The following TDRD12 variants were observed in gnomAD, a reference collection of about 807,000 sequenced individuals.
The protein encoded by TDRD12 is tudor domain containing 12, also known as putative ATP-dependent RNA helicase TDRD12.
Under a neutral mutation model 133.5 loss-of-function variants are expected in TDRD12, and 158 were observed. The observed-to-expected ratio is 1.18, with a 90% CI of 1.04 to 1.35. The LOEUF (loss-of-function observed/expected upper bound fraction) is 1.35, where lower values mean the gene tolerates loss of function less well. TDRD12 is among the 40% of genes most tolerant of loss of function. The pLI is 0.00. For synonymous variants in TDRD12, 460 were observed against 477.9 expected (o/e 0.96, Z 0.49); for missense variants, 1,443 against 1,321.3 (o/e 1.09, Z -1.43).
intron 17 of TDRD12, 113 bp downstream of exon 17, chr19:32,800,471 A>G: frequency 9.9e-7 from 1 of 1,012,140 alleles, no homozygotes; most frequent in African/African-American, 1.6e-5. Context: ...TTAAACAATT[A>G]CAGCTTTGAT....
At chr19:32,798,023 CT>C (rs767871426) in intron 15 of TDRD12, 132 bp downstream of exon 15, 124 of 593,644 alleles carry the variant, frequency 2.1e-4, no homozygotes, top group Middle Eastern at 1.3e-3. Context: ...CTCACAGTCA[CT>C]AGTCCAGACC....
At chr19:32,819,124 C>T (rs1178286003) in intron 27 of TDRD12, among the ~76,000 whole-genome samples, 1 of 152,012 alleles carries the variant, frequency 6.6e-6, no homozygotes, top group Non-Finnish European at 1.5e-5. Context: ...CGAGACCAGC[C>T]TGGGCAACAT....
At chr19:32,755,260 T>C (rs1044759524) in intron 6 of TDRD12, among the ~76,000 whole-genome samples, 1 of 152,230 alleles carries the variant, frequency 6.6e-6, no homozygotes, top group Non-Finnish European at 1.5e-5. Context: ...TCTCGAGCAT[T>C]ACCTAGGAGT....
At chr19:32,795,268 G>C (rs1318172711) in intron 14 of TDRD12, among the ~76,000 whole-genome samples, 2 of 150,320 alleles carry the variant, frequency 1.3e-5, no homozygotes, top group African/African-American at 4.9e-5. Flanking sequence ...GGGAGGCGAA[G>C]GTTGCAGTGA....
At chr19:32,749,665 A>G in intron 5 of TDRD12, 119 bp from the exon 6 acceptor site, 1 of 705,906 alleles carries the variant, frequency 1.4e-6, no homozygotes, top group South Asian at 2.0e-5. Flanking sequence ...GTCCTGCCCG[A>G]GGAAGACATT....
At chr19:32,790,645 C>A (rs1404475301) in intron 12 of TDRD12, 54 bp downstream of exon 12, 2 of 1,551,430 alleles carry the variant, frequency 1.3e-6, no homozygotes, top group African/African-American at 2.7e-5. Flanking sequence ...ACTGTTTATT[C>A]TTTAAATCCT....
rs535861378 is a variant in TDRD12 at position 32,816,237 on chromosome 19, C to T, written c.3314+617C>T. Among the ~76,000 whole-genome samples, 4 of 152,260 alleles carry T rather than the reference C, an allele frequency of 2.6e-5. No individual in the cohort carries two copies. The East Asian group carries it at 7.7e-4, about 29-fold the overall frequency. On this transcript the variant is annotated intron_variant, in intron 26 of 27. Transcript: ENST00000444215. ...CACACAGAAAAGTGCGCACATCAGA[C>T]GTGATGTGTTTCCTGAACATACCTG...
chr19:32,740,038 ACTCTCTGCATCTCCTGGTGCT>A (rs1969367947), intron 3 of TDRD12, among the ~76,000 whole-genome samples: 3 of 37,948 alleles, frequency 7.9e-5, no homozygotes, highest in African/African-American at 3.4e-4. Flanking sequence ...TCTCCTGGGC[ACTCTCTGCATCTCCTGGTGCT>A]CTCTCTGCAT....
At chr19:32,775,356 T>A (rs1043322317) in intron 10 of TDRD12, among the ~76,000 whole-genome samples, 5 of 152,196 alleles carry the variant, frequency 3.3e-5, no homozygotes, top group Non-Finnish European at 7.3e-5. Flanking sequence ...TGCGACAGGA[T>A]CTTGCTCTGT....
chr19:32,743,627 C>G (rs920088847), intron 4 of TDRD12, among the ~76,000 whole-genome samples: 63 of 151,916 alleles, frequency 4.1e-4, no homozygotes, highest in African/African-American at 1.5e-3. Context: ...GTGATCTTTT[C>G]CAGCTCTGAA....
chr19:32,793,894 A>G (rs548184325), intron 13 of TDRD12, among the ~76,000 whole-genome samples: 38 of 145,608 alleles, frequency 2.6e-4, no homozygotes, highest in African/African-American at 8.7e-4. Context: ...TCCCGGGTTC[A>G]AGTCATTCTC....
At chr19:32,800,854 T>C in intron 18 of TDRD12, 82 bp downstream of exon 18, 1 of 1,361,924 alleles carries the variant, frequency 7.3e-7, no homozygotes, top group South Asian at 1.6e-5. Context: ...CTGGGGTGGT[T>C]GACTCTGTGG....
chr19:32,820,628 T>C (rs1208126230), intron 27 of TDRD12, among the ~76,000 whole-genome samples: 3 of 152,198 alleles, frequency 2.0e-5, no homozygotes, highest in Non-Finnish European at 4.4e-5. Context: ...ATTTCTTTTT[T>C]ATGCAAAGAA....
intron 17 of TDRD12, 56 bp downstream of exon 17, chr19:32,800,414 G>A: frequency 7.7e-7 from 1 of 1,301,236 alleles, no homozygotes; most frequent in Non-Finnish European, 1.0e-6. Context: ...TGTGTTGGTG[G>A]GGGGCTGATG....
At chr19:32,813,445 C>T (rs1281713946) in intron 24 of TDRD12, among the ~76,000 whole-genome samples, 1 of 152,170 alleles carries the variant, frequency 6.6e-6, no homozygotes, top group African/African-American at 2.4e-5. Context: ...CACAGACCCC[C>T]GCCTTGAGCT....
intron 6 of TDRD12, among the ~76,000 whole-genome samples, chr19:32,750,746 G>A (rs145784623): frequency 3.3e-5 from 5 of 152,240 alleles, no homozygotes; most frequent in Non-Finnish European, 5.9e-5. Flanking sequence ...GCCTCTCATG[G>A]CATTGACTGC....
chr19:32,745,169 C>T (rs1333696538), intron 4 of TDRD12, among the ~76,000 whole-genome samples: 2 of 152,222 alleles, frequency 1.3e-5, no homozygotes, highest in Non-Finnish European at 2.9e-5. Flanking sequence ...GCCCACTGCC[C>T]ACCCTTCAGG....
intron 11 of TDRD12, among the ~76,000 whole-genome samples, chr19:32,785,550 G>A (rs1162146888): frequency 6.6e-6 from 1 of 152,160 alleles, no homozygotes; most frequent in East Asian, 1.9e-4. Flanking sequence ...GTCTAATATA[G>A]ACAGTGGGGT....
chr19:32,752,363 A>G (rs1477278972), intron 6 of TDRD12, among the ~76,000 whole-genome samples: 3 of 151,914 alleles, frequency 2.0e-5, no homozygotes, highest in African/African-American at 7.2e-5. Flanking sequence ...TATTTTTAGT[A>G]GAGATGGGGT....
Sources: allele counts gnomAD v4.1 joint callset (sites outside exome capture counted in the v4.1 genomes callset), GRCh38; gene constraint gnomAD v4.1.1; transcripts MANE v1.5; gene names NCBI Gene and HGNC (gene_info 2026-07-23, HGNC 2026-07-21).